Variants in SLC45A4 observed in about 807,000 individuals in gnomAD.
SLC45A4 encodes the protein solute carrier family 45 member 4.
SLC45A4 carries 32 observed loss-of-function variants against 63.7 expected under a neutral mutation model. That is an observed-to-expected ratio of 0.50 (90% CI 0.38 to 0.67). SLC45A4 has a LOEUF of 0.67. Among genes scored for constraint, SLC45A4 ranks in the 30% least tolerant of loss-of-function variants. The pLI is 0.00. For missense variants in SLC45A4, 1,027 were observed against 1,157.7 expected (o/e 0.89, Z 1.64); for synonymous variants, 535 against 510.0 (o/e 1.05, Z -0.66).
chr8:141,268,280 A>G (rs1829363735), intron 1 of SLC45A4, among the ~76,000 whole-genome samples: 1 of 152,244 alleles, frequency 6.6e-6, no homozygotes, highest in African/African-American at 2.4e-5. Flanking sequence ...GCACACAGTA[A>G]AAGAAGCAGC....
chr8:141,272,022 C>A (rs1354835915), intron 1 of SLC45A4, among the ~76,000 whole-genome samples: 1 of 152,206 alleles, frequency 6.6e-6, no homozygotes, highest in Non-Finnish European at 1.5e-5. Context: ...CACCTGCGTA[C>A]ACACATGCAT....
chr8:141,269,169 C>A (rs753083404), intron 1 of SLC45A4, among the ~76,000 whole-genome samples: 26 of 152,218 alleles, frequency 1.7e-4, no homozygotes, highest in Non-Finnish European at 2.6e-4. Flanking sequence ...GTCACCCTGG[C>A]GGGGCAGCTA....
chr8:141,260,695 T>A (rs1027314004), intron 1 of SLC45A4, among the ~76,000 whole-genome samples: 1 of 152,210 alleles, frequency 6.6e-6, no homozygotes, highest in African/African-American at 2.4e-5. Context: ...AATCTCTGAA[T>A]AGACCAATAA....
At chr8:141,250,130 A>T (rs1272665548) in intron 2 of SLC45A4, among the ~76,000 whole-genome samples, 2 of 152,218 alleles carry the variant, frequency 1.3e-5, no homozygotes, top group Non-Finnish European at 2.9e-5. Flanking sequence ...AACTTTGGAA[A>T]GCGACCTTCA....
intron 2 of SLC45A4, among the ~76,000 whole-genome samples, chr8:141,251,698 TA>T (rs1178842364): frequency 2.0e-5 from 3 of 151,982 alleles, no homozygotes; most frequent in African/African-American, 2.4e-5. Context: ...ACAAGGTTTT[TA>T]AAGATGAAAA....
chr8:141,249,403 G>A (rs936657506), intron 2 of SLC45A4, among the ~76,000 whole-genome samples: 1 of 152,360 alleles, frequency 6.6e-6, no homozygotes, highest in African/African-American at 2.4e-5. Context: ...AAGGAGCAAA[G>A]AAAGTACTGA....
At position 141,218,167 on chromosome 8, in the gene SLC45A4, C is replaced by T. The variant is rs1262245607; in HGVS notation, c.1473G>A (p.Glu491=). 1.9e-6 allele frequency: 3 copies of T among 1,607,398 alleles called. No homozygotes were observed. Among genetic ancestry groups the T allele is most frequent in the Non-Finnish European group, 2.5e-6 (3 of 1,179,924 alleles). The change falls in exon 5 of 9, where the codon GAG becomes GAA. Residue 491 remains glutamate (E), a synonymous_variant. Coordinates refer to ENST00000517878, the MANE Select transcript of SLC45A4 (RefSeq NM_001286646.2). The stretch of plus-strand genomic sequence containing the variant: ...AGAGCCACAGCAGGCGCACCGTGGT[C>T]TCGCCCTCCCCCTCCTCACTCTCGG... ...GDTESEEGEG[E]TTVRLLWLSM... is the part of the protein sequence containing the mutation.
intron 1 of SLC45A4, among the ~76,000 whole-genome samples, chr8:141,255,240 C>T (rs1305512753): frequency 6.6e-6 from 1 of 151,676 alleles, no homozygotes; most frequent in South Asian, 2.1e-4. Flanking sequence ...TACAGGCATG[C>T]ACCACTACAC....
At chr8:141,251,992 G>A (rs1828490498) in intron 2 of SLC45A4, among the ~76,000 whole-genome samples, 1 of 145,256 alleles carries the variant, frequency 6.9e-6, no homozygotes, top group African/African-American at 2.5e-5. Flanking sequence ...GCACTGCAGC[G>A]AGGCTGAGTG....
chr8:141,220,837 G>T (rs897956998), intron 3 of SLC45A4, among the ~76,000 whole-genome samples: 1 of 152,248 alleles, frequency 6.6e-6, no homozygotes, highest in Non-Finnish European at 1.5e-5. Context: ...GGGAGGGGAG[G>T]GCTGCTCTCG....
At chr8:141,249,689 T>C (rs1416274283) in intron 2 of SLC45A4, among the ~76,000 whole-genome samples, 1 of 152,162 alleles carries the variant, frequency 6.6e-6, no homozygotes, top group Non-Finnish European at 1.5e-5. Flanking sequence ...TAACAGTATT[T>C]CCAAATCCAA....
rs1442491344 is a variant in SLC45A4, at chr8:141,209,510, TCTA to T, written c.*2059_*2061del. On this transcript the variant is annotated 3_prime_UTR_variant, in exon 9 of 9. Coordinates refer to ENST00000517878, the MANE Select transcript of SLC45A4 (RefSeq NM_001286646.2). ...CAGGAAGGCAGCTCCAGAAACCGAC[TCTA>T]CTGACCCTGGACCCCAGCCCCTGCG... 1 of 152,236 alleles carries T rather than the reference TCTA, an allele frequency of 6.6e-6. No homozygotes were observed. The highest frequency in any genetic ancestry group is 2.4e-5 in the African/African-American group (1 of 41,338). 9.4% of individuals were successfully genotyped at this position (152,236 alleles called of 1,614,324 possible).
At chr8:141,306,767 T>C (rs1420112856) in intron 1 of SLC45A4, among the ~76,000 whole-genome samples, 2 of 152,224 alleles carry the variant, frequency 1.3e-5, no homozygotes, top group Admixed American at 1.3e-4. Context: ...CAGGGCGCTC[T>C]CAGTAATGCT....
intron 3 of SLC45A4, among the ~76,000 whole-genome samples, chr8:141,221,016 A>G (rs955968715): frequency 2.6e-5 from 4 of 152,248 alleles, no homozygotes; most frequent in Non-Finnish European, 5.9e-5. Context: ...CCTGCCGCTT[A>G]ACTCCCTCAG....
Position 141,244,968 on chromosome 8 carries a change from G to GGGGGGGGGGGGGC in SLC45A4, c.241+9020_241+9021insGCCCCCCCCCCCC, listed in dbSNP as rs1569558620. Among the ~76,000 whole-genome samples the GGGGGGGGGGGGGC allele has an allele frequency of 2.8e-5, 2 of 71,834 alleles. 1 individual carries two copies. Among genetic ancestry groups the GGGGGGGGGGGGGC allele is most frequent in the Non-Finnish European group, 7.2e-5 (2 of 27,900 alleles). 47.1% of individuals were successfully genotyped at this position (71,834 alleles called of 152,430 possible). On this transcript the variant is annotated intron_variant, in intron 2 of 8. Transcript: ENST00000517878. ...CAAGAAGACGTGGGTGGGGGGGGGG[G>GGGGGGGGGGGGGC]GCGGTGTGGAGGTGGAGGCTGGGCT...
intron 1 of SLC45A4, among the ~76,000 whole-genome samples, chr8:141,279,727 G>C (rs1015740472): frequency 6.6e-6 from 1 of 152,232 alleles, no homozygotes; most frequent in Non-Finnish European, 1.5e-5. Flanking sequence ...ACGGACAAAG[G>C]AGTCTTTACA....
At chr8:141,266,055 G>A (rs551157301) in intron 1 of SLC45A4, among the ~76,000 whole-genome samples, 45 of 152,344 alleles carry the variant, frequency 3.0e-4, no homozygotes, top group Non-Finnish European at 4.9e-4. Flanking sequence ...GGTAACTGGA[G>A]AGTTGCTGCT....
At chr8:141,255,164 C>G (rs561411980) in intron 1 of SLC45A4, among the ~76,000 whole-genome samples, 2 of 152,312 alleles carry the variant, frequency 1.3e-5, no homozygotes, top group East Asian at 1.9e-4. Context: ...ACGACCATGG[C>G]TCTCTGCAGC....
chr8:141,270,543 C>A (rs557272280), intron 1 of SLC45A4, among the ~76,000 whole-genome samples: 1 of 152,082 alleles, frequency 6.6e-6, no homozygotes, highest in South Asian at 2.1e-4. Context: ...TGGTGGCACA[C>A]TCCTGTAGTC....
Sources: allele counts gnomAD v4.1 joint callset (sites outside exome capture counted in the v4.1 genomes callset), GRCh38; gene constraint gnomAD v4.1.1; transcripts MANE v1.5; gene names NCBI Gene and HGNC (gene_info 2026-07-23, HGNC 2026-07-21).